ENOX1: variants seen among roughly 807,000 people sequenced by gnomAD.
ENOX1 encodes the protein ecto-NOX disulfide-thiol exchanger 1.
In ENOX1, 42 loss-of-function variants were observed where a neutral mutation model predicts 82.5. That is an observed-to-expected ratio of 0.51 (90% CI 0.40 to 0.66). The LOEUF (loss-of-function observed/expected upper bound fraction) is 0.66. ENOX1 is among the 30% of genes least tolerant of loss of function. ENOX1 has a pLI of 0.00. For synonymous variants in ENOX1, 271 were observed against 282.2 expected, an observed-to-expected ratio of 0.96 and a Z score of 0.40; for missense variants, 608 against 811.6, an observed-to-expected ratio of 0.75 and a Z score of 3.05.
intron 1 of ENOX1, among the ~76,000 whole-genome samples, chr13:43,716,330 AC>A (rs1256669646): frequency 6.6e-6 from 1 of 152,094 alleles, no homozygotes; most frequent in Non-Finnish European, 1.5e-5. Context: ...TCCACTCCAG[AC>A]CCTGTTTGCC....
intron 10 of ENOX1, among the ~76,000 whole-genome samples, chr13:43,323,906 C>T (rs752566379): frequency 6.6e-6 from 1 of 152,154 alleles, no homozygotes; most frequent in Non-Finnish European, 1.5e-5. Flanking sequence ...TTATTGCTAA[C>T]AGCATTTGAA....
rs1433837202 is a variant in ENOX1, at chr13:43,754,034, A to AAG, written c.-285+32617_-285+32618insCT. On this transcript the variant is annotated intron_variant, in intron 1 of 16. Coordinates refer to ENST00000690772, the MANE Select transcript of ENOX1 (RefSeq NM_001347969.2). ...TGTATACACATATATATACATATAT[A>AAG]TGTATATAAATACACATATATATAC... Among the ~76,000 whole-genome samples, 2 of 135,674 alleles carry AAG rather than the reference A, an allele frequency of 1.5e-5. 1 individual carries two copies. 89.0% of individuals were successfully genotyped at this position (135,674 alleles called of 152,430 possible).
rs554723070 is a variant in ENOX1, at chr13:43,286,662, A to G, written c.1446+11684T>C. Reference sequence around the variant, plus strand: ...GATGCATTTGATGATCAAATTAATTAATGGCAGAGCAGGATAACTAATGAT... The same window carrying G: ...GATGCATTTGATGATCAAATTAATTGATGGCAGAGCAGGATAACTAATGAT... On this transcript the variant is annotated intron_variant, in intron 12 of 16. Transcript: ENST00000690772. Among the ~76,000 whole-genome samples the G allele has an allele frequency of 5.9e-5, 9 of 152,356 alleles. 1 individual carries two copies. The South Asian group carries it at 1.2e-3, about 21-fold the overall frequency.
At chr13:43,388,649 C>T (rs936732746) in intron 5 of ENOX1, among the ~76,000 whole-genome samples, 1 of 152,094 alleles carries the variant, frequency 6.6e-6, no homozygotes, top group African/African-American at 2.4e-5. Context: ...GACTACAGGC[C>T]AGGGTCAAAT....
At chr13:43,380,948 C>T (rs115953309) in intron 5 of ENOX1, among the ~76,000 whole-genome samples, 2,021 of 151,730 alleles carry the variant, frequency 0.013, 39 homozygotes, top group African/African-American at 0.046. Context: ...TAGATGAATC[C>T]ACAATTAACA....
At chr13:43,592,006 C>T in intron 2 of ENOX1, among the ~76,000 whole-genome samples, 1 of 151,784 alleles carries the variant, frequency 6.6e-6, no homozygotes, top group Non-Finnish European at 1.5e-5. Context: ...GAGGGCCAGC[C>T]TGTGGACCAC....
At chr13:43,485,358 T>C (rs2076376898) in intron 2 of ENOX1, among the ~76,000 whole-genome samples, 1 of 152,198 alleles carries the variant, frequency 6.6e-6, no homozygotes, top group Non-Finnish European at 1.5e-5. Context: ...TTGGATGCCA[T>C]AGACTTTTGT....
At chr13:43,739,944 T>C (rs949017639) in intron 1 of ENOX1, among the ~76,000 whole-genome samples, 9 of 152,176 alleles carry the variant, frequency 5.9e-5, no homozygotes, top group African/African-American at 1.9e-4. Context: ...ACTTAATGAA[T>C]AGTAAAAATA....
intron 3 of ENOX1, among the ~76,000 whole-genome samples, chr13:43,416,107 T>G (rs1463508221): frequency 8.8e-5 from 4 of 45,336 alleles, no homozygotes; most frequent in Non-Finnish European, 1.9e-4. Context: ...TGGGCAGAGA[T>G]GCTCCCCACT....
chr13:43,526,273 C>T lies in ENOX1; in HGVS notation c.-218-42121G>A, dbSNP rs549103793. On this transcript the variant is annotated intron_variant, in intron 2 of 16. Coordinates refer to ENST00000690772, the MANE Select transcript of ENOX1 (RefSeq NM_001347969.2). ...TCCTACAGCATTAGTGGAGAATTAACTAGCTTTATTAAAGATTTGGAGGAC... is the reference window on the plus strand; with the variant it reads ...TCCTACAGCATTAGTGGAGAATTAATTAGCTTTATTAAAGATTTGGAGGAC... 2.0e-5 allele frequency among the ~76,000 whole-genome samples: 3 copies of T among 152,244 alleles called. No homozygotes were observed. The South Asian group carries it at 6.2e-4, about 32-fold the overall frequency.
chr13:43,507,799 AG>A (rs575904296), intron 2 of ENOX1, among the ~76,000 whole-genome samples: 41 of 152,112 alleles, frequency 2.7e-4, no homozygotes, highest in Middle Eastern at 6.8e-3. Flanking sequence ...CTGAGGTGAA[AG>A]TACTTAAAAA....
intron 3 of ENOX1, among the ~76,000 whole-genome samples, chr13:43,483,491 C>A (rs1377302626): frequency 6.6e-6 from 1 of 152,044 alleles, no homozygotes; most frequent in Non-Finnish European, 1.5e-5. Flanking sequence ...CCCAAACAAG[C>A]CCTATTCTAT....
chr13:43,729,252 T>C (rs147573550), intron 1 of ENOX1, among the ~76,000 whole-genome samples: 1 of 152,332 alleles, frequency 6.6e-6, no homozygotes, highest in African/African-American at 2.4e-5. Context: ...GCTAAATAAG[T>C]ATCTATTTAA....
At chr13:43,376,315 T>C (rs916925897) in intron 5 of ENOX1, among the ~76,000 whole-genome samples, 1 of 152,186 alleles carries the variant, frequency 6.6e-6, no homozygotes, top group Non-Finnish European at 1.5e-5. Flanking sequence ...TGAACTAAAA[T>C]AGAATAAATT....
chr13:43,628,594 C>A (rs2083070532), intron 2 of ENOX1, among the ~76,000 whole-genome samples: 1 of 152,202 alleles, frequency 6.6e-6, no homozygotes, highest in African/African-American at 2.4e-5. Flanking sequence ...TGACAGTCAT[C>A]CCAATGTTGG....
At chr13:43,421,210 C>T (rs1389833405) in intron 3 of ENOX1, among the ~76,000 whole-genome samples, 1 of 152,134 alleles carries the variant, frequency 6.6e-6, no homozygotes, top group African/African-American at 2.4e-5. Flanking sequence ...TCTTTAGTAT[C>T]TAACTAGTTA....
chr13:43,655,303 T>A (rs2084379381), intron 2 of ENOX1, among the ~76,000 whole-genome samples: 1 of 152,220 alleles, frequency 6.6e-6, no homozygotes, highest in Non-Finnish European at 1.5e-5. Flanking sequence ...AACCGACCTG[T>A]TCCACAAGGC....
At chr13:43,731,062 G>A (rs1200376699) in intron 1 of ENOX1, among the ~76,000 whole-genome samples, 1 of 152,102 alleles carries the variant, frequency 6.6e-6, no homozygotes, top group Non-Finnish European at 1.5e-5. Flanking sequence ...CATAATGTAT[G>A]CCAAATAAAT....
chr13:43,611,819 A>G (rs2082211860), intron 2 of ENOX1, among the ~76,000 whole-genome samples: 1 of 152,224 alleles, frequency 6.6e-6, no homozygotes, highest in Non-Finnish European at 1.5e-5. Context: ...AGCTTGGCTG[A>G]GAGGCCTAGG....
Sources: gnomAD v4.1 joint callset for allele counts (sites outside exome capture counted in the v4.1 genomes callset) on GRCh38, gnomAD v4.1.1 for gene constraint, MANE v1.5 for transcripts, NCBI Gene and HGNC (gene_info 2026-07-23, HGNC 2026-07-21) for gene names.